The following LAMB1 variants were observed in gnomAD, a reference collection of about 807,000 sequenced individuals.
The protein encoded by LAMB1 is laminin subunit beta-1.
LAMB1 carries 121 observed loss-of-function variants against 222.3 expected under a neutral mutation model. The ratio of observed to expected loss-of-function variants is 0.54; its 90% CI spans 0.47 to 0.63. The LOEUF (loss-of-function observed/expected upper bound fraction) is 0.63. Among genes scored for constraint, LAMB1 ranks in the 30% least tolerant of loss-of-function variants. The pLI is 0.00. For synonymous variants in LAMB1, 794 were observed against 807.2 expected (o/e 0.98, Z 0.28); for missense variants, 2,172 against 2,240.8 (o/e 0.97, Z 0.62).
intron 8 of LAMB1, 120 bp from the exon 9 acceptor site, chr7:107,978,287 A>C: frequency 8.7e-7 from 1 of 1,155,800 alleles, no homozygotes. Flanking sequence ...CACCACAGAA[A>C]AGGGTTGTTT....
intron 5 of LAMB1, among the ~76,000 whole-genome samples, chr7:107,994,479 T>G (rs1337383721): frequency 6.6e-6 from 1 of 152,134 alleles, no homozygotes; most frequent in African/African-American, 2.4e-5. Flanking sequence ...TCACAAATTG[T>G]GCAAAACTCT....
chr7:107,926,519 A>G (rs1306984064), intron 31 of LAMB1, among the ~76,000 whole-genome samples, 160 bp from the exon 32 acceptor site: 1 of 152,234 alleles, frequency 6.6e-6, no homozygotes, highest in Non-Finnish European at 1.5e-5. Flanking sequence ...TACATGAAGT[A>G]TCTAACTTTA....
At chr7:107,947,158 G>A (rs1327061422) in intron 24 of LAMB1, among the ~76,000 whole-genome samples, 9 of 152,070 alleles carry the variant, frequency 5.9e-5, no homozygotes, top group African/African-American at 2.4e-5. Flanking sequence ...TGGCACCATC[G>A]ACCAACAGCC....
chr7:107,946,526 A>C (rs561053845), intron 24 of LAMB1, among the ~76,000 whole-genome samples: 78 of 152,384 alleles, frequency 5.1e-4, no homozygotes, highest in Admixed American at 3.9e-4. Context: ...GGGAAAATAC[A>C]TGAACAAGTG....
intron 12 of LAMB1, among the ~76,000 whole-genome samples, chr7:107,974,611 T>C (rs2150438145): frequency 6.6e-6 from 1 of 152,326 alleles, no homozygotes; most frequent in African/African-American, 2.4e-5. Flanking sequence ...GTATGCCCAT[T>C]TCTACAAGCT....
At chr7:107,945,521 C>T (rs1214582638) in intron 24 of LAMB1, among the ~76,000 whole-genome samples, 2 of 152,206 alleles carry the variant, frequency 1.3e-5, no homozygotes, top group East Asian at 3.9e-4. Flanking sequence ...AGCCATGCTG[C>T]TTCATGTTGT....
intron 13 of LAMB1, among the ~76,000 whole-genome samples, chr7:107,969,406 T>C (rs2033700736): frequency 6.6e-6 from 1 of 151,950 alleles, no homozygotes; most frequent in South Asian, 2.1e-4. Flanking sequence ...ACTAAGGAAT[T>C]AGGCAGAAAA....
Position 107,998,526 on chromosome 7 carries a change from G to A in LAMB1, c.214-34C>T. ...AAAGTTGAGTTCATCAGTCTAGAAAGCAATCTCATTAAAAACATTTTTAAT... is the reference window on the plus strand; with the variant it reads ...AAAGTTGAGTTCATCAGTCTAGAAAACAATCTCATTAAAAACATTTTTAAT... On this transcript the variant is annotated intron_variant, in intron 3 of 33. Transcript: ENST00000222399. 4 of 1,582,244 alleles carry A rather than the reference G, an allele frequency of 2.5e-6. No homozygotes were observed. In the East Asian group the frequency reaches 9.0e-5, roughly 36 times the overall value.
intron 3 of LAMB1, among the ~76,000 whole-genome samples, 181 bp from the exon 4 acceptor site, chr7:107,998,673 A>C (rs1213176355): frequency 6.6e-6 from 1 of 151,984 alleles, no homozygotes. Flanking sequence ...GCTGAGTCTA[A>C]AATAGTCTTG....
At chr7:107,993,759 G>A (rs2034229886) in intron 5 of LAMB1, among the ~76,000 whole-genome samples, 1 of 152,186 alleles carries the variant, frequency 6.6e-6, no homozygotes, top group Admixed American at 6.5e-5. Context: ...GTCAATGAAG[G>A]GACAAGCGGT....
Position 108,002,973 on chromosome 7 carries a change from T to G in LAMB1, c.-86-2A>C, listed in dbSNP as rs2034420063. On this transcript the variant is annotated splice_acceptor_variant, in intron 1 of 33. Coordinates refer to ENST00000222399, the MANE Select transcript of LAMB1 (RefSeq NM_002291.3). LOFTEE classifies it low-confidence loss of function (5UTR_SPLICE). ...TGCCCTTTCTTCCCGTCTTCCTTTCTGGAGAGGTGGAAAGGAGGGGAAAAA... is the reference window on the plus strand; with the variant it reads ...TGCCCTTTCTTCCCGTCTTCCTTTCGGGAGAGGTGGAAAGGAGGGGAAAAA... The G allele has an allele frequency of 3.0e-5, 48 of 1,599,608 alleles. No homozygotes were observed. In the South Asian group the frequency reaches 4.7e-4, roughly 16 times the overall value.
chr7:107,933,861 C>T (rs117886222), intron 27 of LAMB1, among the ~76,000 whole-genome samples: 4,606 of 152,238 alleles, frequency 0.03, 96 homozygotes, highest in Non-Finnish European at 0.044. Context: ...AGAGGAACCC[C>T]GAACCCCACC....
At chr7:107,956,928 G>T (rs974519902) in intron 20 of LAMB1, among the ~76,000 whole-genome samples, 2 of 152,174 alleles carry the variant, frequency 1.3e-5, no homozygotes, top group African/African-American at 4.8e-5. Flanking sequence ...GTTAAATAAT[G>T]AGCCAGAATT....
chr7:107,953,350 C>G (rs1477797521), intron 22 of LAMB1, among the ~76,000 whole-genome samples, 180 bp downstream of exon 22: 1 of 122,382 alleles, frequency 8.2e-6, no homozygotes, highest in Non-Finnish European at 1.7e-5. Context: ...GAGTGAGACT[C>G]TGTCTCATTA....
intron 24 of LAMB1, among the ~76,000 whole-genome samples, chr7:107,942,993 T>A (rs1190896568): frequency 1.3e-5 from 2 of 152,172 alleles, no homozygotes; most frequent in Admixed American, 1.3e-4. Flanking sequence ...AAGTAAAACT[T>A]GGGTGTATGC....
At chr7:107,984,591 C>G (rs541975972) in intron 7 of LAMB1, among the ~76,000 whole-genome samples, 39 of 152,252 alleles carry the variant, frequency 2.6e-4, no homozygotes, top group Admixed American at 5.2e-4. Flanking sequence ...CGTCTTCCCT[C>G]TTCTCCCGAG....
At chr7:107,930,080 G>GGAA in intron 29 of LAMB1, 1 of 160,422 alleles carries the variant, frequency 6.2e-6, no homozygotes. Context: ...TGGACGAATA[G>GGAA]CTCAGAAACT....
At chr7:107,949,464 T>C (rs998598111) in intron 24 of LAMB1, among the ~76,000 whole-genome samples, 2 of 152,232 alleles carry the variant, frequency 1.3e-5, no homozygotes, top group Admixed American at 1.3e-4. Flanking sequence ...ATTACAAGTT[T>C]GAGGAATTTA....
intron 24 of LAMB1, chr7:107,942,789 C>T (rs2033020926): frequency 6.6e-6 from 1 of 152,132 alleles, no homozygotes; most frequent in Non-Finnish European, 1.5e-5. Context: ...AAGAGTGATG[C>T]TTGATCGTAT....
Sources: allele counts gnomAD v4.1 joint callset (sites outside exome capture counted in the v4.1 genomes callset), GRCh38; gene constraint gnomAD v4.1.1; transcripts MANE v1.5; gene names NCBI Gene and HGNC (gene_info 2026-07-23, HGNC 2026-07-21).